Variants in LMF1 observed in about 807,000 individuals in gnomAD.
LMF1 encodes lipase maturation factor 1, also known as transmembrane protein 112.
In LMF1, 68 loss-of-function variants were observed where a neutral mutation model predicts 60.6. That is an observed-to-expected ratio of 1.12 (90% CI 0.92 to 1.37). The LOEUF (loss-of-function observed/expected upper bound fraction) is 1.37, where lower values mean the gene tolerates loss of function less well. Ranked by LOEUF, LMF1 falls within the 40% of genes most tolerant of loss-of-function variation. The pLI, the probability that LMF1 is intolerant of heterozygous loss-of-function variation, is 0.00. For missense variants in LMF1, 948 were observed against 767.2 expected (o/e 1.24, Z -2.78); for synonymous variants, 418 against 324.7 (o/e 1.29, Z -3.09).
intron 1 of LMF1, among the ~76,000 whole-genome samples, chr16:966,083 G>A (rs1441933650): frequency 6.6e-6 from 1 of 152,200 alleles, no homozygotes; most frequent in East Asian, 1.9e-4. Flanking sequence ...TAAGTCTGAA[G>A]GCCAGAAGGG....
At position 911,062 on chromosome 16, in the gene LMF1, G is replaced by C. The variant is rs750412611; in HGVS notation, c.532C>G (p.Leu178Val). ...WYSFGWESQL[L>V]ETGFLGIFLC... ...AAGATCCCCAGGAACCCCGTCTCCA[G>C]AAGCTGGGACTCCCATCCTAAAACA... Residue 178 changes from leucine (L) to valine (V), a missense_variant, in exon 4 of 11, where the codon CTG (leucine) becomes GTG (valine). Leu to Val is a conservative substitution (Grantham distance 32). Transcript: ENST00000262301. 6.2e-7 allele frequency: 1 copy of C among 1,612,336 alleles called. No homozygotes were observed. Among genetic ancestry groups the C allele is most frequent in the Non-Finnish European group, 8.5e-7 (1 of 1,179,508 alleles).
intron 3 of LMF1, among the ~76,000 whole-genome samples, chr16:928,402 T>G (rs1176791280): frequency 6.6e-6 from 1 of 152,164 alleles, no homozygotes. Flanking sequence ...CAACCAAGTT[T>G]CTTACTCCAA....
intron 1 of LMF1, chr16:979,606 T>C (rs2073281042): frequency 2.2e-6 from 1 of 453,782 alleles, no homozygotes; most frequent in African/African-American, 2.0e-5. Flanking sequence ...CCCACCTGTG[T>C]CCCAGGGACT....
At chr16:868,124 G>C (rs2069664768) in intron 10 of LMF1, among the ~76,000 whole-genome samples, 1 of 152,108 alleles carries the variant, frequency 6.6e-6, no homozygotes, top group South Asian at 2.1e-4. Context: ...ATGTGGGGCA[G>C]GGGATACAAA....
intron 3 of LMF1, among the ~76,000 whole-genome samples, chr16:932,075 T>C (rs1368947665): frequency 1.3e-5 from 2 of 152,150 alleles, no homozygotes; most frequent in African/African-American, 2.4e-5. Flanking sequence ...CTTCAGCAAG[T>C]GGTTGGGGAC....
chr16:869,786 C>T, intron 9 of LMF1, 97 bp downstream of exon 9: 1 of 1,263,682 alleles, frequency 7.9e-7, no homozygotes, highest in Non-Finnish European at 1.1e-6. Flanking sequence ...CCCTCCCCAC[C>T]AGCCCCTTCA....
chr16:904,209 A>T (rs1193781586), intron 4 of LMF1, among the ~76,000 whole-genome samples: 1 of 78,442 alleles, frequency 1.3e-5, no homozygotes, highest in Non-Finnish European at 2.2e-5. Context: ...TGACCTCTGC[A>T]TCGCCCACAG....
chr16:943,726 C>CAAAAAA (rs3057499), intron 2 of LMF1, among the ~76,000 whole-genome samples: 16 of 56,796 alleles, frequency 2.8e-4, no homozygotes, highest in African/African-American at 9.5e-4. Flanking sequence ...GACTCTGTCT[C>CAAAAAA]AAAAAAAAAA....
intron 1 of LMF1, among the ~76,000 whole-genome samples, chr16:955,467 G>GCGCA (rs1555476347): frequency 1.1e-5 from 1 of 94,322 alleles, no homozygotes; most frequent in East Asian, 3.0e-4. Context: ...CGCGGTGTGT[G>GCGCA]CATACACACA....
chr16:890,494 C>G (rs2070451657), intron 5 of LMF1, among the ~76,000 whole-genome samples: 1 of 152,180 alleles, frequency 6.6e-6, no homozygotes, highest in South Asian at 2.1e-4. Context: ...GTGTGACCAT[C>G]AGGACATCAG....
chr16:967,172 C>T (rs992071673), intron 1 of LMF1, among the ~76,000 whole-genome samples: 5 of 152,206 alleles, frequency 3.3e-5, no homozygotes, highest in South Asian at 4.1e-4. Context: ...CGCCCATGGA[C>T]GGACCTGGCC....
At chr16:923,865 T>G (rs945620301) in intron 3 of LMF1, among the ~76,000 whole-genome samples, 2 of 152,180 alleles carry the variant, frequency 1.3e-5, no homozygotes, top group African/African-American at 2.4e-5. Flanking sequence ...AACTGATGGA[T>G]TGTCCAATGT....
intron 1 of LMF1, among the ~76,000 whole-genome samples, chr16:960,558 G>A (rs2072807901): frequency 7.6e-6 from 1 of 131,300 alleles, no homozygotes; most frequent in Non-Finnish European, 1.7e-5. Context: ...CCCAGACACA[G>A]ACTCACGGTG....
chr16:881,899 G>A (rs777298591), intron 5 of LMF1, among the ~76,000 whole-genome samples: 1 of 152,176 alleles, frequency 6.6e-6, no homozygotes, highest in Admixed American at 6.5e-5. Flanking sequence ...GACGTGTGTC[G>A]GCTGAGCTCT....
chr16:915,078 G>A (rs549998624), intron 3 of LMF1, among the ~76,000 whole-genome samples: 1 of 152,174 alleles, frequency 6.6e-6, no homozygotes, highest in African/African-American at 2.4e-5. Context: ...TCTCGTGCTC[G>A]CTTCCTAGAT....
At chr16:934,965 G>A (rs1022152046) in intron 2 of LMF1, among the ~76,000 whole-genome samples, 1 of 152,238 alleles carries the variant, frequency 6.6e-6, no homozygotes, top group Non-Finnish European at 1.5e-5. Flanking sequence ...ATGCCCGCAT[G>A]AGGAGCCCTG....
intron 3 of LMF1, among the ~76,000 whole-genome samples, chr16:913,703 C>T (rs566633105): frequency 5.9e-5 from 9 of 152,340 alleles, no homozygotes; most frequent in East Asian, 1.9e-4. Flanking sequence ...CATTCACAGG[C>T]GTCTCGGGGC....
At chr16:889,577 C>G (rs567818742) in intron 5 of LMF1, among the ~76,000 whole-genome samples, 2 of 152,270 alleles carry the variant, frequency 1.3e-5, no homozygotes, top group East Asian at 3.9e-4. Flanking sequence ...GCTCAGCGTC[C>G]CCTACAGCAT....
intron 2 of LMF1, among the ~76,000 whole-genome samples, chr16:942,377 C>T (rs2072122544): frequency 6.6e-6 from 1 of 152,242 alleles, no homozygotes; most frequent in South Asian, 2.1e-4. Flanking sequence ...AACATTTTCT[C>T]TTACTTTTAC....
Sources: gnomAD v4.1 joint callset for allele counts (sites outside exome capture counted in the v4.1 genomes callset) on GRCh38, gnomAD v4.1.1 for gene constraint, MANE v1.5 for transcripts, NCBI Gene and HGNC (gene_info 2026-07-23, HGNC 2026-07-21) for gene names.